The following JAK2 variants were observed in gnomAD, a reference collection of about 807,000 sequenced individuals.
The protein encoded by JAK2 is tyrosine-protein kinase JAK2.
In JAK2, 86 loss-of-function variants were observed where a neutral mutation model predicts 139.3. That is an observed-to-expected ratio of 0.62 (90% CI 0.52 to 0.74). JAK2 has a LOEUF of 0.74. Ranked by LOEUF, JAK2 falls within the 30% of genes least tolerant of loss-of-function variation. The pLI is 0.00. For missense variants in JAK2, 1,421 were observed against 1,360.3 expected (o/e 1.04, Z -0.70); for synonymous variants, 490 against 437.7 (o/e 1.12, Z -1.49).
chr9:5,055,310 C>T (rs754925391), intron 7 of JAK2, among the ~76,000 whole-genome samples: 18 of 151,868 alleles, frequency 1.2e-4, no homozygotes, highest in African/African-American at 3.6e-4. Flanking sequence ...TGTTAATATC[C>T]GTGTTGTTCA....
intron 2 of JAK2, among the ~76,000 whole-genome samples, chr9:5,015,466 G>A (rs1821982499): frequency 6.6e-6 from 1 of 152,056 alleles, no homozygotes; most frequent in African/African-American, 2.4e-5. Flanking sequence ...TAAACGGCTG[G>A]CACCTTAGCA....
At chr9:5,110,365 T>A (rs1403016231) in intron 22 of JAK2, 1 of 152,258 alleles carries the variant, frequency 6.6e-6, no homozygotes, top group Non-Finnish European at 1.5e-5. Flanking sequence ...ATTTAAAAAA[T>A]CATAGCATTC....
chr9:5,087,999 C>T (rs781410945), intron 19 of JAK2, among the ~76,000 whole-genome samples: 2 of 152,062 alleles, frequency 1.3e-5, no homozygotes, highest in African/African-American at 4.8e-5. Context: ...ATTTTATGAA[C>T]ACATTGTTAA....
intron 2 of JAK2, among the ~76,000 whole-genome samples, chr9:4,994,150 G>A (rs545512761): frequency 1.3e-3 from 191 of 152,350 alleles, no homozygotes; most frequent in African/African-American, 4.4e-3. Flanking sequence ...TAATCAGAGT[G>A]TTTGGAATCT....
Position 5,022,160 on chromosome 9 carries a change from C to T in JAK2, c.173C>T (p.Pro58Leu). The T allele has an allele frequency of 6.2e-7, 1 of 1,614,148 alleles. No individual in the cohort carries two copies. The highest frequency in any genetic ancestry group is 8.5e-7 in the Non-Finnish European group (1 of 1,179,998). Residue 58 changes from proline (P) to leucine (L), a missense_variant, in exon 3 of 25, where the codon CCA (proline) becomes CTA (leucine). Coordinates refer to ENST00000381652, the MANE Select transcript of JAK2 (RefSeq NM_004972.4). Reference protein sequence around the residue: ...GKSEADYLTFPSGEYVAEEIC... With the variant: ...GKSEADYLTFLSGEYVAEEIC... ...TCTGAGGCAGATTATCTGACCTTTC[C>T]ATCTGGGGAGTATGTTGCAGAAGAA...
Position 5,080,379 on chromosome 9 carries a change from G to T in JAK2, c.2282G>T (p.Arg761Ile), listed in dbSNP as rs1253223051. Residue 761 changes from arginine to isoleucine, a missense_variant and splice_region_variant, in exon 17 of 25, where the codon AGA (arginine) becomes ATA (isoleucine). Transcript: ENST00000381652. ...DKPLSALDSQRKLQFYEDRHQ... is the reference protein window; with the variant it reads ...DKPLSALDSQIKLQFYEDRHQ... The stretch of plus-strand genomic sequence containing the variant: ...CCTCTAAGTGCTCTGGATTCTCAAA[G>T]AGTAAGTTTATATAGACTAAGTTAG... 1 of 1,610,826 alleles carries T rather than the reference G, an allele frequency of 6.2e-7. No homozygotes were observed. The highest frequency in any genetic ancestry group is 8.5e-7 in the Non-Finnish European group (1 of 1,178,372).
Position 5,043,137 on chromosome 9 carries a change from G to A in JAK2, c.351-1266G>A, listed in dbSNP as rs531783617. The stretch of plus-strand genomic sequence containing the variant: ...AAGCCCCCGACCCAGCCCCGCAGGT[G>A]TATGTGCAGGGGGGTCTGCGGGCGG... On this transcript the variant is annotated intron_variant, in intron 4 of 24. Coordinates refer to ENST00000381652, the MANE Select transcript of JAK2 (RefSeq NM_004972.4). 1.6e-4 allele frequency among the ~76,000 whole-genome samples: 25 copies of A among 152,366 alleles called. No individual in the cohort carries two copies. The South Asian group carries it at 3.1e-3, about 19-fold the overall frequency.
chr9:5,060,573 G>A (rs535730868), intron 8 of JAK2, among the ~76,000 whole-genome samples: 2 of 152,130 alleles, frequency 1.3e-5, no homozygotes, highest in African/African-American at 2.4e-5. Context: ...ATTTTATCAT[G>A]AGATTGTAGC....
intron 4 of JAK2, among the ~76,000 whole-genome samples, chr9:5,042,365 C>G (rs1454009306): frequency 2.6e-5 from 4 of 151,428 alleles, no homozygotes; most frequent in Non-Finnish European, 5.9e-5. Context: ...TCTCGATCTC[C>G]TGACCTCATG....
intron 22 of JAK2, chr9:5,097,370 G>T (rs550661146): frequency 6.6e-6 from 1 of 152,112 alleles, no homozygotes; most frequent in South Asian, 2.1e-4. Flanking sequence ...TGATTCTTTG[G>T]TCACCCTGAA....
chr9:5,077,643 A>C (rs1563981011), intron 15 of JAK2, 63 bp downstream of exon 15: 2 of 1,065,048 alleles, frequency 1.9e-6, no homozygotes, highest in Admixed American at 3.1e-5. Context: ...TATACAAATT[A>C]TCTTTACCTG....
In JAK2 at chr9:5,078,435, C is replaced by G. The variant is rs2130591816; in HGVS notation, c.2122C>G (p.Pro708Ala). Residue 708 changes from proline to alanine, a missense_variant, in exon 16 of 25, where the codon CCA (proline) becomes GCA (alanine). Transcript: ENST00000381652. Reference protein sequence around the residue: ...SDPGISITVLPKDILQERIPW... With the variant: ...SDPGISITVLAKDILQERIPW... ...TCCTGGCATTAGTATTACAGTTTTG[C>G]CAAAGGACAGTAAGTTCTAGAAGGA... 6.2e-7 allele frequency: 1 copy of G among 1,611,802 alleles called. No homozygotes were observed.
chr9:5,111,067 TG>T, intron 22 of JAK2: 6 of 1,194,712 alleles, frequency 5.0e-6, no homozygotes, highest in Non-Finnish European at 7.1e-6. Flanking sequence ...TCTTGAGAAC[TG>T]GCCCAGCTCA....
At chr9:5,041,164 T>A in intron 4 of JAK2, 2 of 1,219,318 alleles carry the variant, frequency 1.6e-6, no homozygotes, top group Non-Finnish European at 1.2e-6. Context: ...GCATGGATTA[T>A]GTGCACACCA....
chr9:4,994,369 A>T (rs891096363), intron 2 of JAK2, among the ~76,000 whole-genome samples: 14 of 152,312 alleles, frequency 9.2e-5, no homozygotes, highest in Admixed American at 5.9e-4. Context: ...TAAAGGACTT[A>T]TTGAAACACA....
intron 2 of JAK2, among the ~76,000 whole-genome samples, chr9:4,998,752 A>C (rs938141071): frequency 7.3e-5 from 11 of 150,750 alleles, no homozygotes; most frequent in Middle Eastern, 3.4e-3. Context: ...AAAAAAAAAA[A>C]CAACAAAAAA....
chr9:5,086,101 C>T, intron 19 of JAK2: 1 of 534,672 alleles, frequency 1.9e-6, no homozygotes, highest in South Asian at 2.0e-5. Context: ...TGCCTATGAG[C>T]CTGCGCGGGC....
chr9:5,098,661 T>C (rs906691214), intron 22 of JAK2: 1 of 152,134 alleles, frequency 6.6e-6, no homozygotes, highest in African/African-American at 2.4e-5. Context: ...ATTGAAGCTA[T>C]GAATATATAG....
rs879865205 is a variant in JAK2 at position 5,127,295 on chromosome 9, A to T, written c.*504A>T. On this transcript the variant is annotated 3_prime_UTR_variant, in exon 25 of 25. Transcript: ENST00000381652. ...TAATTAATTACTTCACTATACAAAC[A>T]AATTAAGATGTTCAGATAATTGAAT... 13 of 232,266 alleles carry T rather than the reference A, an allele frequency of 5.6e-5. No homozygotes were observed. Among genetic ancestry groups the T allele is most frequent in the Non-Finnish European group, 1.1e-4 (13 of 117,130 alleles). The allele number at this position is 232,266 out of a possible 1,614,324, so 14.4% of individuals were successfully genotyped here.
Sources: allele counts gnomAD v4.1 joint callset (sites outside exome capture counted in the v4.1 genomes callset), GRCh38; gene constraint gnomAD v4.1.1; transcripts MANE v1.5; gene names NCBI Gene and HGNC (gene_info 2026-07-23, HGNC 2026-07-21).